Variants in TRAPPC11 observed in about 807,000 individuals in gnomAD.
The protein encoded by TRAPPC11 is trafficking protein particle complex subunit 11, also known as foie gras homolog.
TRAPPC11 carries 104 observed loss-of-function variants against 151.2 expected under a neutral mutation model. The ratio of observed to expected loss-of-function variants is 0.69; its 90% CI spans 0.59 to 0.81. The LOEUF (loss-of-function observed/expected upper bound fraction) is 0.81, where lower values mean the gene tolerates loss of function less well. Ranked by LOEUF, TRAPPC11 falls within the 30% of genes least tolerant of loss-of-function variation. The probability of loss-of-function intolerance (pLI) is 0.00; values close to 1 mark genes in which losing one functional copy is unlikely to be tolerated. For synonymous variants in TRAPPC11, 456 were observed against 472.3 expected (o/e 0.97, Z 0.45); for missense variants, 1,230 against 1,349.6 (o/e 0.91, Z 1.39).
At chr4:183,687,108 G>C (rs2111377306) in intron 18 of TRAPPC11, among the ~76,000 whole-genome samples, 1 of 152,270 alleles carries the variant, frequency 6.6e-6, no homozygotes, top group South Asian at 2.1e-4. Context: ...TTGAACTCGG[G>C]AGATGGAGGT....
intron 28 of TRAPPC11, among the ~76,000 whole-genome samples, chr4:183,707,339 T>G (rs1737127033): frequency 6.6e-6 from 1 of 152,022 alleles, no homozygotes; most frequent in Non-Finnish European, 1.5e-5. Flanking sequence ...TCAGTGAAGT[T>G]TCATAGCAAT....
chr4:183,688,221 G>T (rs148685900), intron 18 of TRAPPC11, among the ~76,000 whole-genome samples: 1 of 152,168 alleles, frequency 6.6e-6, no homozygotes, highest in Non-Finnish European at 1.5e-5. Context: ...ACTAAATTAC[G>T]TAGTGTAGGC....
chr4:183,676,097 A>C lies in TRAPPC11; in HGVS notation c.734+860A>C, dbSNP rs147312269. ...TTTTGAGATGTTTAAGTACCAAAGC[A>C]CCAAGTTGTGTTTCCTGAATCTCAA... On this transcript the variant is annotated intron_variant, in intron 7 of 29. Transcript: ENST00000334690. Among the ~76,000 whole-genome samples, 338 of 152,232 alleles carry C rather than the reference A, an allele frequency of 2.2e-3. 1 individual carries two copies. The highest frequency in any genetic ancestry group is 6.0e-3 in the South Asian group (29 of 4,828).
chr4:183,711,630 G>T (rs918776163), intron 29 of TRAPPC11, among the ~76,000 whole-genome samples: 2 of 152,182 alleles, frequency 1.3e-5, no homozygotes, highest in African/African-American at 2.4e-5. Flanking sequence ...CTATGTTTCT[G>T]TATGTATGTA....
intron 29 of TRAPPC11, among the ~76,000 whole-genome samples, chr4:183,709,126 A>G (rs769715844): frequency 6.6e-6 from 1 of 152,164 alleles, no homozygotes; most frequent in Non-Finnish European, 1.5e-5. Context: ...TCACTCCCTG[A>G]TACCTAAATA....
intron 29 of TRAPPC11, among the ~76,000 whole-genome samples, chr4:183,712,262 G>A (rs1235748799): frequency 2.0e-5 from 3 of 152,184 alleles, no homozygotes; most frequent in Admixed American, 6.5e-5. Context: ...TTCCACATGT[G>A]GGAGATGGCC....
At position 183,693,162 on chromosome 4, in the gene TRAPPC11, C is replaced by T; in HGVS notation, c.2237+15C>T. On this transcript the variant is annotated intron_variant, in intron 20 of 29. Coordinates refer to ENST00000334690, the MANE Select transcript of TRAPPC11 (RefSeq NM_021942.6). ...GCAAGCACAATGTAAGTCTGCTTTG[C>T]TAAGCTGATATTAAAGGTCATCCTC... 1 of 1,563,708 alleles carries T rather than the reference C, an allele frequency of 6.4e-7. No homozygotes were observed. Among genetic ancestry groups the T allele is most frequent in the Non-Finnish European group, 8.7e-7 (1 of 1,153,444 alleles).
chr4:183,674,176 G>A (rs1735294221), intron 5 of TRAPPC11, among the ~76,000 whole-genome samples: 1 of 152,146 alleles, frequency 6.6e-6, no homozygotes, highest in Non-Finnish European at 1.5e-5. Context: ...CACTTTGGGA[G>A]GCCAAGGTGG....
chr4:183,695,793 A>G (rs1736506961), intron 23 of TRAPPC11, among the ~76,000 whole-genome samples: 1 of 152,202 alleles, frequency 6.6e-6, no homozygotes. Context: ...CAAAATTATT[A>G]GTATTTCCCA....
At chr4:183,688,299 A>G (rs1736088367) in intron 18 of TRAPPC11, among the ~76,000 whole-genome samples, 3 of 152,142 alleles carry the variant, frequency 2.0e-5, no homozygotes. Context: ...TGAAGATGAA[A>G]TTACGATAGG....
intron 29 of TRAPPC11, among the ~76,000 whole-genome samples, chr4:183,710,709 C>G (rs1371524630): frequency 6.6e-6 from 1 of 151,582 alleles, no homozygotes; most frequent in African/African-American, 2.4e-5. Context: ...AGAGCCAGCT[C>G]TTTAATCAGT....
At chr4:183,677,156 C>T (rs1735456060) in intron 7 of TRAPPC11, among the ~76,000 whole-genome samples, 1 of 152,174 alleles carries the variant, frequency 6.6e-6, no homozygotes, top group African/African-American at 2.4e-5. Context: ...TGTTTTTTAA[C>T]AGAATGCTGA....
intron 26 of TRAPPC11, 40 bp downstream of exon 26, chr4:183,701,848 T>C: frequency 7.9e-7 from 1 of 1,265,428 alleles, no homozygotes; most frequent in Non-Finnish European, 1.2e-6. Context: ...TCAATGTCTC[T>C]GTTATTCTCA....
At position 183,682,823 on chromosome 4, in the gene TRAPPC11, T is replaced by G; in HGVS notation, c.1205T>G (p.Leu402Arg). The G allele has an allele frequency of 6.2e-7, 1 of 1,607,696 alleles. No individual in the cohort carries two copies. The highest frequency in any genetic ancestry group is 8.5e-7 in the Non-Finnish European group (1 of 1,174,358). ...CAAAGATCATGGCGACAAGGAATAC[T>G]AAGTAAATAATTTTTCCCTCTGTCC... is the stretch of plus-strand genomic sequence containing the variant. The part of the protein sequence containing the change: ...YGQRSWRQGI[L>R]SFDLSDPEKE... Residue 402 changes from leucine (L) to arginine (R), a missense_variant and splice_region_variant, in exon 11 of 30, where the codon CTA (leucine) becomes CGA (arginine). Leu to Arg is a moderately radical substitution (Grantham distance 102). Coordinates refer to ENST00000334690, the MANE Select transcript of TRAPPC11 (RefSeq NM_021942.6).
At position 183,685,255 on chromosome 4, in the gene TRAPPC11, C is replaced by T. The variant is rs190379757; in HGVS notation, c.1630-16C>T. 1.3e-4 allele frequency: 215 copies of T among 1,612,952 alleles called. No individual in the cohort carries two copies. Among genetic ancestry groups the T allele is most frequent in the East Asian group, 7.6e-4 (34 of 44,816 alleles). On this transcript the variant is annotated splice_polypyrimidine_tract_variant and intron_variant, in intron 16 of 29. Coordinates refer to ENST00000334690, the MANE Select transcript of TRAPPC11 (RefSeq NM_021942.6). ...ATTCAACTAGTTGAATGGATGTTAA[C>T]TCTGTGTTGATGCAGAATGAAAGTC... is the stretch of plus-strand genomic sequence containing the variant.
chr4:183,709,541 C>T (rs1737238002), intron 29 of TRAPPC11, among the ~76,000 whole-genome samples: 2 of 152,084 alleles, frequency 1.3e-5, no homozygotes, highest in African/African-American at 2.4e-5. Flanking sequence ...TTTGGGAGGC[C>T]GAGGCGGGCA....
rs760413718 is a variant in TRAPPC11, at chr4:183,694,687, C to A, written c.2592C>A (p.Thr864=). The A allele has an allele frequency of 1.9e-6, 3 of 1,607,290 alleles. No homozygotes were observed. The highest frequency in any genetic ancestry group is 2.3e-5 in the South Asian group (2 of 88,754). Residue 864 remains threonine (T), a synonymous_variant, in exon 23 of 30, where the codon ACC becomes ACA. Coordinates refer to ENST00000334690, the MANE Select transcript of TRAPPC11 (RefSeq NM_021942.6). ...ATGTTTCTTACCTGATAAATACAAC[C>A]GTTGAAGAAAAAGAAATTGTTTGCA... ...LVYVSYLINT[T]VEEKEIVCKC... is the part of the protein sequence containing the mutation.
chr4:183,711,677 A>G (rs1737347982), intron 29 of TRAPPC11, among the ~76,000 whole-genome samples: 1 of 101,024 alleles, frequency 9.9e-6, no homozygotes, highest in Non-Finnish European at 2.6e-5. Flanking sequence ...CAACCACAGC[A>G]GCAGCAAACT....
At chr4:183,670,011 A>G (rs952267423) in intron 5 of TRAPPC11, among the ~76,000 whole-genome samples, 2 of 152,250 alleles carry the variant, frequency 1.3e-5, no homozygotes, top group Admixed American at 6.5e-5. Flanking sequence ...TGGGGAGTGC[A>G]TAAGATAGTC....
Sources: allele counts gnomAD v4.1 joint callset (sites outside exome capture counted in the v4.1 genomes callset), GRCh38; gene constraint gnomAD v4.1.1; transcripts MANE v1.5; gene names NCBI Gene and HGNC (gene_info 2026-07-23, HGNC 2026-07-21).